Variants in ZNF385D observed in about 807,000 individuals in gnomAD.
ZNF385D encodes zinc finger protein 385D, also known as zinc finger protein 659.
Under a neutral mutation model 35.8 loss-of-function variants are expected in ZNF385D, and 15 were observed. That is an observed-to-expected ratio of 0.42 (90% confidence interval 0.28 to 0.64). The LOEUF (loss-of-function observed/expected upper bound fraction) is 0.64, where lower values mean the gene tolerates loss of function less well. Ranked by LOEUF, ZNF385D falls within the 30% of genes least tolerant of loss-of-function variation. The pLI is 0.23. For missense variants in ZNF385D, 474 were observed against 494.6 expected, an observed-to-expected ratio of 0.96 and a Z score of 0.39; for synonymous variants, 212 against 186.8, an observed-to-expected ratio of 1.13 and a Z score of -1.10.
intron 1 of ZNF385D, among the ~76,000 whole-genome samples, chr3:21,738,924 A>G (rs530317384): frequency 6.6e-6 from 1 of 152,328 alleles, no homozygotes; most frequent in South Asian, 2.1e-4. Context: ...AGTCAGCAGC[A>G]GTTTGGGCTG....
intron 3 of ZNF385D, among the ~76,000 whole-genome samples, chr3:21,869,965 A>T (rs1479265567): frequency 1.3e-5 from 2 of 152,184 alleles, no homozygotes; most frequent in Non-Finnish European, 2.9e-5. Flanking sequence ...TTAAGTAGAT[A>T]AAACTCATAA....
At chr3:22,103,587 A>G (rs1352368516) in intron 3 of ZNF385D, among the ~76,000 whole-genome samples, 1 of 152,114 alleles carries the variant, frequency 6.6e-6, no homozygotes, top group Non-Finnish European at 1.5e-5. Context: ...TGGAGAACCA[A>G]CATAATGTTA....
intron 3 of ZNF385D, among the ~76,000 whole-genome samples, chr3:22,034,065 C>T (rs1275350189): frequency 6.6e-6 from 1 of 152,130 alleles, no homozygotes; most frequent in Non-Finnish European, 1.5e-5. Context: ...GGTTAACCAT[C>T]TTATCAGGAT....
rs143935821 is a variant in ZNF385D, at chr3:22,178,645, G to A, written c.107-9610C>T. 1.9e-4 allele frequency among the ~76,000 whole-genome samples: 29 copies of A among 152,254 alleles called. No homozygotes were observed. In the East Asian group the frequency reaches 5.6e-3, roughly 29 times the overall value. ...CCATTGCTTTTGGTGTTTTAGACAT[G>A]AAGTCCTTGCCCCCCATGCCTATGT... On this transcript the variant is annotated intron_variant, in intron 2 of 5. Transcript: ENST00000494108.
At chr3:21,637,647 C>T (rs1186306855) in intron 2 of ZNF385D, among the ~76,000 whole-genome samples, 1 of 152,062 alleles carries the variant, frequency 6.6e-6, no homozygotes, top group Non-Finnish European at 1.5e-5. Context: ...GCAACTGATC[C>T]TGTGAGAGCA....
intron 3 of ZNF385D, chr3:22,168,813 T>C: frequency 5.1e-6 from 5 of 985,718 alleles, no homozygotes; most frequent in Non-Finnish European, 6.0e-6. Flanking sequence ...TTAGAAAAGC[T>C]TACCATTGTC....
At chr3:22,290,642 G>A (rs1443687376) in intron 2 of ZNF385D, among the ~76,000 whole-genome samples, 1 of 152,134 alleles carries the variant, frequency 6.6e-6, no homozygotes, top group Non-Finnish European at 1.5e-5. Flanking sequence ...GAGGGGCCTA[G>A]ATGTTTCTTG....
chr3:22,077,021 TTAAAAA>T (rs1273750984), intron 3 of ZNF385D, among the ~76,000 whole-genome samples: 1 of 151,954 alleles, frequency 6.6e-6, no homozygotes, highest in Non-Finnish European at 1.5e-5. Context: ...AGGCCATGCT[TTAAAAA>T]TAAGTGTGAG....
At chr3:22,333,674 G>T (rs116840045) in intron 2 of ZNF385D, among the ~76,000 whole-genome samples, 477 of 151,358 alleles carry the variant, frequency 3.2e-3, no homozygotes, top group South Asian at 6.1e-3. Flanking sequence ...ATTCATTTCC[G>T]AACTTCCACC....
chr3:22,140,069 T>C (rs1254999785), intron 3 of ZNF385D, among the ~76,000 whole-genome samples: 1 of 152,200 alleles, frequency 6.6e-6, no homozygotes, highest in East Asian at 1.9e-4. Context: ...AAACATATAT[T>C]ACCACCCAAC....
intron 3 of ZNF385D, among the ~76,000 whole-genome samples, chr3:21,756,949 A>G (rs7653345): frequency 0.72 from 110,016 of 151,940 alleles, 40,097 homozygotes; most frequent in East Asian, 0.9. Context: ...TTTTATGACC[A>G]AATTCTTACT....
intron 2 of ZNF385D, among the ~76,000 whole-genome samples, chr3:22,329,117 A>G (rs959903244): frequency 1.3e-5 from 2 of 150,188 alleles, no homozygotes; most frequent in Non-Finnish European, 3.0e-5. Context: ...AAAGTTGCTC[A>G]TATCACTTTC....
intron 2 of ZNF385D, among the ~76,000 whole-genome samples, chr3:22,291,245 A>C (rs1041739773): frequency 6.6e-6 from 1 of 152,134 alleles, no homozygotes; most frequent in Non-Finnish European, 1.5e-5. Context: ...CCCTCCAAAA[A>C]ATAATGGAAA....
intron 3 of ZNF385D, among the ~76,000 whole-genome samples, chr3:22,037,849 A>G (rs556425876): frequency 1.6e-4 from 24 of 152,266 alleles, no homozygotes; most frequent in African/African-American, 5.5e-4. Flanking sequence ...TAGGTCTAAC[A>G]AAACAGCATG....
chr3:21,777,403 G>T (rs1221762412), intron 3 of ZNF385D, among the ~76,000 whole-genome samples: 1 of 151,902 alleles, frequency 6.6e-6, no homozygotes, highest in Non-Finnish European at 1.5e-5. Flanking sequence ...ATGGTGAGAG[G>T]AGATGGGCAA....
intron 1 of ZNF385D, among the ~76,000 whole-genome samples, chr3:21,734,243 C>T (rs770346911): frequency 4.0e-5 from 6 of 150,222 alleles, no homozygotes; most frequent in South Asian, 2.1e-4. Flanking sequence ...ATTCTGATTG[C>T]GTAGATCCAG....
rs1040111268 is a variant in ZNF385D at position 22,053,143 on chromosome 3, T to C, written c.325+115674A>G. Reference sequence around the variant, plus strand: ...TGATCTCAGACTGCTGTGCTAGCAATCAGCGAGATTCCGTGGGCGTAGGAC... The same window carrying C: ...TGATCTCAGACTGCTGTGCTAGCAACCAGCGAGATTCCGTGGGCGTAGGAC... On this transcript the variant is annotated intron_variant, in intron 3 of 5. Transcript: ENST00000494108. 4.7e-5 allele frequency among the ~76,000 whole-genome samples: 4 copies of C among 85,294 alleles called. 1 individual carries two copies. The highest frequency in any genetic ancestry group is 1.3e-4 in the African/African-American group (3 of 22,770). 56.0% of individuals were successfully genotyped at this position (85,294 alleles called of 152,430 possible).
chr3:21,989,102 A>G (rs1238105674), intron 3 of ZNF385D, among the ~76,000 whole-genome samples: 1 of 152,024 alleles, frequency 6.6e-6, no homozygotes, highest in Non-Finnish European at 1.5e-5. Flanking sequence ...AAATGCAGAA[A>G]TCACCCGTCT....
At chr3:21,481,473 A>T (rs1286507976) in intron 4 of ZNF385D, among the ~76,000 whole-genome samples, 1 of 152,126 alleles carries the variant, frequency 6.6e-6, no homozygotes, top group East Asian at 1.9e-4. Flanking sequence ...GTTTTTGTAC[A>T]ACCCCAATGG....
Sources: allele counts gnomAD v4.1 joint callset (sites outside exome capture counted in the v4.1 genomes callset), GRCh38; gene constraint gnomAD v4.1.1; transcripts MANE v1.5; gene names NCBI Gene and HGNC (gene_info 2026-07-23, HGNC 2026-07-21).